Variants in LINGO2 observed in about 807,000 individuals in gnomAD.
LINGO2 encodes the protein leucine-rich repeat and immunoglobulin-like domain-containing nogo receptor-interacting protein 2.
LINGO2 carries 14 observed loss-of-function variants against 30.6 expected under a neutral mutation model. That is an observed-to-expected ratio of 0.46 (90% CI 0.30 to 0.72). The LOEUF (loss-of-function observed/expected upper bound fraction) is 0.72, where lower values mean the gene tolerates loss of function less well. LINGO2 is among the 30% of genes least tolerant of loss of function. LINGO2 has a pLI of 0.07. For synonymous variants in LINGO2, 317 were observed against 288.5 expected (o/e 1.10, Z -1.00); for missense variants, 729 against 751.7 (o/e 0.97, Z 0.35).
intron 3 of LINGO2, among the ~76,000 whole-genome samples, chr9:28,323,247 C>T (rs964804353): frequency 2.6e-5 from 4 of 152,180 alleles, no homozygotes; most frequent in African/African-American, 9.7e-5. Context: ...CTATAGCTCT[C>T]ACATTCTGTA....
At chr9:28,466,623 A>G (rs2135147796) in intron 2 of LINGO2, among the ~76,000 whole-genome samples, 1 of 152,336 alleles carries the variant, frequency 6.6e-6, no homozygotes, top group Admixed American at 6.5e-5. Flanking sequence ...AATACAAAGG[A>G]TAGATGCTTG....
intron 4 of LINGO2, among the ~76,000 whole-genome samples, chr9:28,070,623 A>G (rs2133171238): frequency 6.6e-6 from 1 of 152,322 alleles, no homozygotes; most frequent in Non-Finnish European, 1.5e-5. Context: ...ATTAGAAGTA[A>G]CAAATTACTG....
At chr9:27,997,403 C>G (rs1165142807) in intron 5 of LINGO2, among the ~76,000 whole-genome samples, 4 of 152,166 alleles carry the variant, frequency 2.6e-5, no homozygotes, top group Admixed American at 6.5e-5. Flanking sequence ...CCCCCCTCCC[C>G]CCGTCATAAG....
intron 4 of LINGO2, among the ~76,000 whole-genome samples, chr9:28,241,425 G>C (rs4392996): frequency 0.19 from 29,294 of 151,942 alleles, 3,157 homozygotes; most frequent in East Asian, 0.33. Context: ...GAGGTATCAG[G>C]GTTCTGTCAT....
the LINGO2 span, among the ~76,000 whole-genome samples, chr9:29,117,446 A>T: frequency 6.6e-6 from 1 of 152,218 alleles, no homozygotes; most frequent in Non-Finnish European, 1.5e-5. Context: ...CTTCAGTGAA[A>T]GCTGGCTCCA....
At chr9:28,828,684 C>T in the LINGO2 span, among the ~76,000 whole-genome samples, 21 of 152,048 alleles carry the variant, frequency 1.4e-4, no homozygotes, top group African/African-American at 5.1e-4. Context: ...GGTTATACAA[C>T]TCTTAGCAGA....
In LINGO2 at chr9:28,310,467, C is replaced by T. The variant is rs1824569598; in HGVS notation, c.-245-15101G>A. On this transcript the variant is annotated intron_variant, in intron 3 of 5. Transcript: ENST00000379992. ...CAGCCCTCCAAAAAGAATGTATACT[C>T]TTCAACTCCATGTATATAAAACAGT... Among the ~76,000 whole-genome samples, 5 of 152,244 alleles carry T rather than the reference C, an allele frequency of 3.3e-5. No homozygotes were observed. In the South Asian group the frequency reaches 6.2e-4, roughly 19 times the overall value.
intron 5 of LINGO2, among the ~76,000 whole-genome samples, chr9:27,991,519 A>G (rs1821398203): frequency 6.6e-6 from 1 of 152,090 alleles, no homozygotes; most frequent in South Asian, 2.1e-4. Flanking sequence ...GACCCGGCAG[A>G]TGCTAGGCGT....
At chr9:28,493,239 C>A (rs1826470690) in intron 1 of LINGO2, among the ~76,000 whole-genome samples, 1 of 152,134 alleles carries the variant, frequency 6.6e-6, no homozygotes, top group African/African-American at 2.4e-5. Flanking sequence ...TAAAGGGAAT[C>A]CCTTTGTTAA....
chr9:29,115,966 A>C, the LINGO2 span, among the ~76,000 whole-genome samples: 11 of 152,044 alleles, frequency 7.2e-5, no homozygotes, highest in Non-Finnish European at 1.3e-4. Flanking sequence ...AAAAATGGAA[A>C]CTAAATGTGC....
intron 5 of LINGO2, among the ~76,000 whole-genome samples, chr9:27,977,409 G>C (rs1195746116): frequency 2.6e-5 from 4 of 151,852 alleles, no homozygotes; most frequent in Non-Finnish European, 5.9e-5. Flanking sequence ...GTGTGTCGGG[G>C]GCGGGTTGGG....
At chr9:28,555,947 C>A (rs541538050) in intron 1 of LINGO2, among the ~76,000 whole-genome samples, 7 of 151,980 alleles carry the variant, frequency 4.6e-5, no homozygotes, top group South Asian at 2.1e-4. Flanking sequence ...ATTCAACAGC[C>A]CTTCATGCTA....
chr9:28,915,029 G>C, the LINGO2 span, among the ~76,000 whole-genome samples: 3 of 152,182 alleles, frequency 2.0e-5, no homozygotes, highest in African/African-American at 7.2e-5. Flanking sequence ...CTACTTGGGA[G>C]GCTGAGGCAG....
intron 2 of LINGO2, among the ~76,000 whole-genome samples, chr9:28,374,230 A>G (rs1230162752): frequency 2.0e-5 from 3 of 148,878 alleles, no homozygotes; most frequent in African/African-American, 7.4e-5. Context: ...ATATATATAT[A>G]TGTAATATCC....
At chr9:28,661,402 A>C (rs1214566178) in intron 1 of LINGO2, among the ~76,000 whole-genome samples, 1 of 152,140 alleles carries the variant, frequency 6.6e-6, no homozygotes, top group Non-Finnish European at 1.5e-5. Context: ...GCTCAGGTAC[A>C]ATACTGAATC....
At chr9:28,326,045 C>CGCTTAG (rs1825217005) in intron 3 of LINGO2, among the ~76,000 whole-genome samples, 1 of 152,152 alleles carries the variant, frequency 6.6e-6, no homozygotes, top group South Asian at 2.1e-4. Context: ...CTCGCTCTGT[C>CGCTTAG]GCTTAGGCTG....
rs1234726381 is a variant in LINGO2 at position 28,048,003 on chromosome 9, AAG to A, written c.-86-35600_-86-35599del. Among the ~76,000 whole-genome samples the A allele has an allele frequency of 7.3e-5, 11 of 150,634 alleles. No individual in the cohort carries two copies. In the East Asian group the frequency reaches 1.8e-3, roughly 24 times the overall value. Reference sequence around the variant, plus strand: ...AAGTGTGACTGTAATAGAAAATAAAAAGAAAAAATCTAATCACATTAGACATT... The same window carrying A: ...AAGTGTGACTGTAATAGAAAATAAAAAAAAAATCTAATCACATTAGACATT... On this transcript the variant is annotated intron_variant, in intron 4 of 5. Transcript: ENST00000379992.
chr9:28,773,960 G>A, the LINGO2 span, among the ~76,000 whole-genome samples: 1 of 151,500 alleles, frequency 6.6e-6, no homozygotes, highest in Non-Finnish European at 1.5e-5. Context: ...TGGTATTTTT[G>A]TAAATATAAG....
At chr9:28,613,503 A>G (rs1208183460) in intron 1 of LINGO2, among the ~76,000 whole-genome samples, 1 of 152,058 alleles carries the variant, frequency 6.6e-6, no homozygotes, top group Non-Finnish European at 1.5e-5. Context: ...ACACACACAT[A>G]TATTTACCTA....
Sources: allele counts gnomAD v4.1 joint callset (sites outside exome capture counted in the v4.1 genomes callset), GRCh38; gene constraint gnomAD v4.1.1; transcripts MANE v1.5; gene names NCBI Gene and HGNC (gene_info 2026-07-23, HGNC 2026-07-21).